Variants in GNPTAB observed in about 807,000 individuals in gnomAD.
The protein encoded by GNPTAB is N-acetylglucosamine-1-phosphate transferase subunits alpha and beta, also known as N-acetylglucosamine-1-phosphotransferase subunits alpha/beta.
A neutral mutation model predicts 136.6 loss-of-function variants in GNPTAB; 92 were observed. The observed-to-expected ratio is 0.67, with a 90% CI of 0.57 to 0.80. The LOEUF is 0.80. Ranked by LOEUF, GNPTAB falls within the 30% of genes least tolerant of loss-of-function variation. The pLI, the probability that GNPTAB is intolerant of heterozygous loss-of-function variation, is 0.00. For synonymous variants in GNPTAB, 512 were observed against 535.1 expected (o/e 0.96, Z 0.60); for missense variants, 1,343 against 1,501.8 (o/e 0.89, Z 1.75).
intron 1 of GNPTAB, among the ~76,000 whole-genome samples, chr12:101,804,260 T>C (rs1041970607): frequency 6.6e-6 from 1 of 151,428 alleles, no homozygotes; most frequent in East Asian, 1.9e-4. Context: ...GACAATGCAC[T>C]CTACTATATA....
intron 1 of GNPTAB, among the ~76,000 whole-genome samples, chr12:101,798,415 A>G (rs2137160960): frequency 6.6e-6 from 1 of 152,278 alleles, no homozygotes; most frequent in South Asian, 2.1e-4. Context: ...GGGCCCAGGC[A>G]TTTAGAATTC....
At chr12:101,756,113 C>A (rs1952897040) in intron 18 of GNPTAB, 1 of 153,556 alleles carries the variant, frequency 6.5e-6, no homozygotes. Flanking sequence ...GCAAAGAGGG[C>A]TGTACGCTAG....
rs114318359 is a variant in GNPTAB at position 101,805,530 on chromosome 12, G to A, written c.118-8768C>T. 2.8e-3 allele frequency among the ~76,000 whole-genome samples: 420 copies of A among 152,202 alleles called. 3 individuals are homozygous for A. Among genetic ancestry groups the A allele is most frequent in the African/African-American group, 9.7e-3 (403 of 41,534 alleles). Reference sequence around the variant, plus strand: ...CCATCTCAGCCTCCTGCGTAGCTGCGACTACAGGTGCACATCACTACGTCT... The same window carrying A: ...CCATCTCAGCCTCCTGCGTAGCTGCAACTACAGGTGCACATCACTACGTCT... On this transcript the variant is annotated intron_variant, in intron 1 of 20. Transcript: ENST00000299314.
At chr12:101,757,352 G>T in intron 17 of GNPTAB, 42 bp from the exon 18 acceptor site, 2 of 1,161,576 alleles carry the variant, frequency 1.7e-6, no homozygotes, top group African/African-American at 1.6e-5. Flanking sequence ...ATAATTACAT[G>T]GATATAAAAA....
intron 7 of GNPTAB, among the ~76,000 whole-genome samples, chr12:101,776,272 A>T (rs1344102548): frequency 6.6e-6 from 1 of 152,188 alleles, no homozygotes; most frequent in Non-Finnish European, 1.5e-5. Context: ...CATGAATGAA[A>T]ATGTTCTATG....
chr12:101,826,338 G>A (rs1381787351), intron 1 of GNPTAB, among the ~76,000 whole-genome samples: 2 of 152,024 alleles, frequency 1.3e-5, no homozygotes, highest in Admixed American at 6.6e-5. Context: ...GAAGTGATAC[G>A]TTATACATAC....
chr12:101,758,148 C>G (rs1197610361), intron 16 of GNPTAB, among the ~76,000 whole-genome samples: 2 of 151,782 alleles, frequency 1.3e-5, no homozygotes, highest in East Asian at 3.9e-4. Flanking sequence ...AAGTGATTCT[C>G]CTGTCTCAGT....
At chr12:101,826,950 G>GTTTTTTTTTTTTTTTTTTTTTTTT in intron 1 of GNPTAB, among the ~76,000 whole-genome samples, 1 of 62,350 alleles carries the variant, frequency 1.6e-5, no homozygotes, top group Non-Finnish European at 3.0e-5. Context: ...TGTGGGAGTT[G>GTTTTTTTTTTTTTTTTTTTTTTTT]TTTTTTTTTT....
chr12:101,771,184 T>C (rs375027732), intron 7 of GNPTAB, 27 bp from the exon 8 acceptor site: 2 of 1,582,424 alleles, frequency 1.3e-6, no homozygotes, highest in Non-Finnish European at 1.7e-6. Flanking sequence ...GGATTACACA[T>C]GAAAAGACTG....
At chr12:101,775,080 C>T (rs945769409) in intron 7 of GNPTAB, among the ~76,000 whole-genome samples, 5 of 152,168 alleles carry the variant, frequency 3.3e-5, no homozygotes, top group East Asian at 1.9e-4. Context: ...CCAAGGATAG[C>T]GGCAACAGGT....
chr12:101,758,267 G>T (rs1307621748), intron 16 of GNPTAB, among the ~76,000 whole-genome samples: 1 of 152,208 alleles, frequency 6.6e-6, no homozygotes, highest in East Asian at 1.9e-4. Context: ...TCGAACTCCT[G>T]ACCTCAAGTG....
At chr12:101,823,444 T>C (rs1870916902) in intron 1 of GNPTAB, among the ~76,000 whole-genome samples, 1 of 151,978 alleles carries the variant, frequency 6.6e-6, no homozygotes, top group African/African-American at 2.4e-5. Flanking sequence ...ACCCCGTCTC[T>C]ACTAAAAATA....
At position 101,747,280 on chromosome 12, in the gene GNPTAB, C is replaced by T. The variant is rs199957329; in HGVS notation, c.3694-39G>A. On this transcript the variant is annotated intron_variant, in intron 20 of 20. Transcript: ENST00000299314. ...GACAGAAAATACATTTTAATTCTCACGTTGATGAAAGAATATAAGTGCATC... is the reference window on the plus strand; with the variant it reads ...GACAGAAAATACATTTTAATTCTCATGTTGATGAAAGAATATAAGTGCATC... 155 of 1,191,454 alleles carry T rather than the reference C, an allele frequency of 1.3e-4. 1 individual carries two copies. The East Asian group carries it at 3.0e-3, about 23-fold the overall frequency. 73.8% of individuals were successfully genotyped at this position (1,191,454 alleles called of 1,614,324 possible). A position where few individuals can be genotyped will look rare whatever the true frequency, so the allele number is the denominator to read the frequency against.
chr12:101,801,879 C>CA (rs559881952), intron 1 of GNPTAB, among the ~76,000 whole-genome samples: 68 of 151,178 alleles, frequency 4.5e-4, no homozygotes, highest in South Asian at 4.2e-3. Flanking sequence ...CTTGTCTCTT[C>CA]AAAAAAAAGA....
At chr12:101,777,646 A>C (rs1953279174) in intron 7 of GNPTAB, among the ~76,000 whole-genome samples, 1 of 152,052 alleles carries the variant, frequency 6.6e-6, no homozygotes, top group Non-Finnish European at 1.5e-5. Context: ...TTCTCATGGC[A>C]CTCTGTATAA....
At chr12:101,813,875 T>C (rs1380405265) in intron 1 of GNPTAB, among the ~76,000 whole-genome samples, 1 of 151,920 alleles carries the variant, frequency 6.6e-6, no homozygotes, top group Non-Finnish European at 1.5e-5. Flanking sequence ...GGTCAGGAGT[T>C]TGAGACCAGC....
rs115858368 is a variant in GNPTAB, at chr12:101,760,401, G to C, written c.3136-258C>G. ...TTACACAAGGTGGTCCAGGGCTCAG[G>C]AGAAATCATGCCCTGCAGCTAGATT... On this transcript the variant is annotated intron_variant, in intron 15 of 20. Transcript: ENST00000299314. Among the ~76,000 whole-genome samples the C allele has an allele frequency of 6.6e-3, 1,012 of 152,256 alleles. 16 individuals are homozygous for C. The highest frequency in any genetic ancestry group is 0.023 in the African/African-American group (953 of 41,530).
intron 13 of GNPTAB, 94 bp from the exon 14 acceptor site, chr12:101,761,857 T>C: frequency 2.2e-6 from 2 of 923,360 alleles, no homozygotes; most frequent in Non-Finnish European, 3.5e-6. Flanking sequence ...TAATAACTAG[T>C]CACGAACTCT....
intron 1 of GNPTAB, among the ~76,000 whole-genome samples, chr12:101,812,588 C>CCA (rs1870296093): frequency 6.6e-6 from 1 of 152,036 alleles, no homozygotes; most frequent in South Asian, 2.1e-4. Flanking sequence ...AGAACCCCCC[C>CCA]ATCTCTACAA....
Sources: allele counts gnomAD v4.1 joint callset (sites outside exome capture counted in the v4.1 genomes callset), GRCh38; gene constraint gnomAD v4.1.1; transcripts MANE v1.5; gene names NCBI Gene and HGNC (gene_info 2026-07-23, HGNC 2026-07-21).